The following ZNF618 variants were observed in gnomAD, a reference collection of about 807,000 sequenced individuals.
ZNF618 encodes zinc finger protein 618.
Under a neutral mutation model 103.0 loss-of-function variants are expected in ZNF618, and 34 were observed. That is an observed-to-expected ratio of 0.33 (90% CI 0.25 to 0.44). The LOEUF is 0.44. ZNF618 is among the 20% of genes least tolerant of loss of function. ZNF618 has a pLI of 1.00. For missense variants in ZNF618, 1,059 were observed against 1,295.4 expected, an observed-to-expected ratio of 0.82 and a Z score of 2.80; for synonymous variants, 551 against 542.2, an observed-to-expected ratio of 1.02 and a Z score of -0.23.
intron 1 of ZNF618, among the ~76,000 whole-genome samples, chr9:113,891,175 A>C (rs1829585271): frequency 6.6e-6 from 1 of 152,232 alleles, no homozygotes; most frequent in South Asian, 2.1e-4. Context: ...ATTTAAAAAG[A>C]CTTCTCCATA....
At chr9:114,008,640 A>G in intron 9 of ZNF618, 86 bp downstream of exon 9, 3 of 1,495,772 alleles carry the variant, frequency 2.0e-6, no homozygotes, top group South Asian at 2.4e-5. Context: ...GGGCAGGGGT[A>G]GCAGTGGGTG....
chr9:113,977,184 A>G (rs1838559255), intron 2 of ZNF618, among the ~76,000 whole-genome samples: 1 of 152,080 alleles, frequency 6.6e-6, no homozygotes, highest in Non-Finnish European at 1.5e-5. Flanking sequence ...AGCACCATGG[A>G]GAGATAGCAA....
At chr9:113,986,788 C>T (rs1839527347) in intron 2 of ZNF618, among the ~76,000 whole-genome samples, 1 of 152,220 alleles carries the variant, frequency 6.6e-6, no homozygotes, top group Non-Finnish European at 1.5e-5. Flanking sequence ...TAGCTGGGGG[C>T]TCCCCTCTCT....
At chr9:114,026,547 T>A (rs1843515698) in intron 10 of ZNF618, among the ~76,000 whole-genome samples, 1 of 152,190 alleles carries the variant, frequency 6.6e-6, no homozygotes, top group Admixed American at 6.5e-5. Context: ...GAAACTCTGT[T>A]CCTGTGTGGG....
Position 113,957,882 on chromosome 9 carries a change from C to G in ZNF618, c.34-11235C>G, listed in dbSNP as rs888447894. Among the ~76,000 whole-genome samples, 14 of 150,106 alleles carry G rather than the reference C, an allele frequency of 9.3e-5. No homozygotes were observed. In the Admixed American group the frequency reaches 9.3e-4, roughly 10 times the overall value. On this transcript the variant is annotated intron_variant, in intron 1 of 14. Coordinates refer to ENST00000374126, the MANE Select transcript of ZNF618 (RefSeq NM_001318042.2). ...ATTTATCACATATTTAATGAGTAAT[C>G]TGAGTCTCAGCTTGGTGAGGCTGTA...
At chr9:113,916,958 C>T (rs1313685380) in intron 1 of ZNF618, among the ~76,000 whole-genome samples, 1 of 152,176 alleles carries the variant, frequency 6.6e-6, no homozygotes, top group African/African-American at 2.4e-5. Flanking sequence ...AGATGCTACT[C>T]TGCCAAGCCT....
At chr9:113,983,529 G>C (rs1332226601) in intron 2 of ZNF618, among the ~76,000 whole-genome samples, 1 of 152,196 alleles carries the variant, frequency 6.6e-6, no homozygotes. Context: ...CCCATCTTCT[G>C]TGAACTCAGT....
intron 1 of ZNF618, among the ~76,000 whole-genome samples, chr9:113,886,930 T>C (rs1271969628): frequency 6.6e-6 from 1 of 150,740 alleles, no homozygotes; most frequent in African/African-American, 2.4e-5. Flanking sequence ...AAATAAGATA[T>C]ATTATTAATA....
intron 1 of ZNF618, among the ~76,000 whole-genome samples, chr9:113,877,497 T>C (rs1407021753): frequency 6.6e-6 from 1 of 152,088 alleles, no homozygotes; most frequent in African/African-American, 2.4e-5. Flanking sequence ...ACCTAAAATG[T>C]TGGCTTTGGA....
At chr9:113,897,767 G>A (rs975934869) in intron 1 of ZNF618, among the ~76,000 whole-genome samples, 4 of 151,958 alleles carry the variant, frequency 2.6e-5, no homozygotes, top group African/African-American at 9.7e-5. Context: ...TTACTGCTTT[G>A]GATACTGGAT....
intron 3 of ZNF618, among the ~76,000 whole-genome samples, chr9:113,994,928 T>C (rs947058781): frequency 7.2e-6 from 1 of 139,628 alleles, no homozygotes; most frequent in African/African-American, 2.6e-5. Flanking sequence ...GGATATTGTG[T>C]AAAAAAAAAA....
chr9:113,953,827 C>T (rs1835994189), intron 1 of ZNF618, among the ~76,000 whole-genome samples: 1 of 115,814 alleles, frequency 8.6e-6, no homozygotes, highest in South Asian at 2.6e-4. Flanking sequence ...GAGGCACAGC[C>T]CCTGCCTGGG....
chr9:114,041,663 G>A (rs1259366164), intron 13 of ZNF618, among the ~76,000 whole-genome samples: 3 of 152,044 alleles, frequency 2.0e-5, no homozygotes, highest in Admixed American at 2.0e-4. Context: ...ATTTCTGAGG[G>A]CTCTGTTCTG....
At chr9:113,944,428 C>T (rs1295930149) in intron 1 of ZNF618, among the ~76,000 whole-genome samples, 1 of 152,056 alleles carries the variant, frequency 6.6e-6, no homozygotes, top group Non-Finnish European at 1.5e-5. Flanking sequence ...AGTTGTGTAC[C>T]ACCACACCCA....
intron 1 of ZNF618, among the ~76,000 whole-genome samples, chr9:113,906,821 A>G (rs1831033909): frequency 6.6e-6 from 1 of 152,224 alleles, no homozygotes; most frequent in African/African-American, 2.4e-5. Flanking sequence ...GGGGACGTGT[A>G]TTGGCATGCC....
Position 113,959,573 on chromosome 9 carries a change from C to T in ZNF618, c.34-9544C>T, listed in dbSNP as rs547968896. On this transcript the variant is annotated intron_variant, in intron 1 of 14. Transcript: ENST00000374126. Reference sequence around the variant, plus strand: ...CCTGCAGGGGAGGCTGCTGCCTTTACCTCTCTGCGGATTTCCCCCTTTTCC... The same window carrying T: ...CCTGCAGGGGAGGCTGCTGCCTTTATCTCTCTGCGGATTTCCCCCTTTTCC... Among the ~76,000 whole-genome samples, 31 of 152,192 alleles carry T rather than the reference C, an allele frequency of 2.0e-4. 1 individual carries two copies. Among genetic ancestry groups the T allele is most frequent in the African/African-American group, 7.5e-4 (31 of 41,534 alleles).
chr9:113,910,131 C>G (rs1391143678), intron 1 of ZNF618, among the ~76,000 whole-genome samples: 1 of 152,032 alleles, frequency 6.6e-6, no homozygotes, highest in Non-Finnish European at 1.5e-5. Flanking sequence ...GCCCCTTATC[C>G]CTGCTATACT....
At chr9:113,886,266 C>G (rs1420451767) in intron 1 of ZNF618, among the ~76,000 whole-genome samples, 5 of 152,194 alleles carry the variant, frequency 3.3e-5, no homozygotes, top group Non-Finnish European at 7.4e-5. Flanking sequence ...TACCTCTCAG[C>G]TTTGAGCCTG....
intron 1 of ZNF618, among the ~76,000 whole-genome samples, chr9:113,939,531 T>G (rs946500097): frequency 6.6e-6 from 1 of 152,150 alleles, no homozygotes; most frequent in African/African-American, 2.4e-5. Flanking sequence ...GGTCTCCTCC[T>G]CACACCTCAC....
Sources: gnomAD v4.1 joint callset for allele counts (sites outside exome capture counted in the v4.1 genomes callset) on GRCh38, gnomAD v4.1.1 for gene constraint, MANE v1.5 for transcripts, NCBI Gene and HGNC (gene_info 2026-07-23, HGNC 2026-07-21) for gene names.